The following ZNF655 variants were observed in gnomAD, a reference collection of about 807,000 sequenced individuals.
The protein encoded by ZNF655 is zinc finger protein 655, also known as Vav-interacting Kruppel-like protein 1.
ZNF655 carries 3 observed loss-of-function variants against 6.6 expected under a neutral mutation model. The observed-to-expected ratio is 0.46, with a 90% CI of 0.21 to 1.18. The LOEUF (loss-of-function observed/expected upper bound fraction) is 1.18. ZNF655 is among the 50% of genes most tolerant of loss of function. The probability of loss-of-function intolerance (pLI) is 0.24; values close to 1 mark genes in which losing one functional copy is unlikely to be tolerated. For synonymous variants in ZNF655, 178 were observed against 195.0 expected, an observed-to-expected ratio of 0.91 and a Z score of 0.73; for missense variants, 526 against 572.3, an observed-to-expected ratio of 0.92 and a Z score of 0.83.
rs1415252290 is a variant in ZNF655, at chr7:99,563,629, T to A, written c.136+2934T>A. Among the ~76,000 whole-genome samples the A allele has an allele frequency of 6.6e-5, 10 of 152,168 alleles. No homozygotes were observed. In the South Asian group the frequency reaches 1.2e-3, roughly 19 times the overall value. ...CACCGCACCCAGCCTCCTTTTTCTT[T>A]AGTTTCTTGCTTGCTTCTGCACTCT... On this transcript the variant is annotated intron_variant, in intron 2 of 2. Coordinates refer to ENST00000252713, the MANE Select transcript of ZNF655 (RefSeq NM_138494.3).
At chr7:99,561,474 C>A (rs1348625771) in intron 2 of ZNF655, among the ~76,000 whole-genome samples, 1 of 152,118 alleles carries the variant, frequency 6.6e-6, no homozygotes, top group Non-Finnish European at 1.5e-5. Flanking sequence ...GAGACAGCAC[C>A]CATTCACAAG....
At position 99,561,676 on chromosome 7, in the gene ZNF655, A is replaced by G. The variant is rs1008287926; in HGVS notation, c.136+981A>G. Among the ~76,000 whole-genome samples the G allele has an allele frequency of 1.3e-5, 2 of 152,246 alleles. 1 individual carries two copies. ...AAAGTGAAATACAAGCTTTCCTAAG[A>G]AAATCCTGTATCACAGGTCAAAACA... is the stretch of plus-strand genomic sequence containing the variant. On this transcript the variant is annotated intron_variant, in intron 2 of 2. Transcript: ENST00000252713.
chr7:99,570,472 T>C (rs1217420727), intron 2 of ZNF655: 2 of 152,214 alleles, frequency 1.3e-5, no homozygotes, highest in African/African-American at 4.8e-5. Flanking sequence ...CAGTTCTTCA[T>C]ATTTTCCAGC....
At chr7:99,559,377 C>G (rs114069195) in intron 1 of ZNF655, among the ~76,000 whole-genome samples, 1 of 151,544 alleles carries the variant, frequency 6.6e-6, no homozygotes, top group Admixed American at 6.6e-5. Context: ...AGGGGGCCTG[C>G]TGTTTTATTT....
At chr7:99,563,726 G>C in intron 2 of ZNF655, 1 of 858,490 alleles carries the variant, frequency 1.2e-6, no homozygotes, top group Non-Finnish European at 1.8e-6. Context: ...CTTTGTCTAT[G>C]CTGGTGGCAT....
intron 2 of ZNF655, chr7:99,571,071 G>C: frequency 2.9e-6 from 1 of 346,764 alleles, no homozygotes; most frequent in Non-Finnish European, 5.1e-6. Flanking sequence ...GACCTTCTTG[G>C]CCTCTTATCC....
intron 2 of ZNF655, 100 bp downstream of exon 2, chr7:99,560,795 A>C: frequency 6.8e-7 from 1 of 1,465,906 alleles, no homozygotes; most frequent in Non-Finnish European, 9.3e-7. Context: ...GAACTGGAAT[A>C]AGAACATGGT....
chr7:99,572,827 A>G lies in ZNF655; in HGVS notation c.719A>G (p.Tyr240Cys). Residue 240 changes from tyrosine to cysteine, a missense_variant, in exon 3 of 3, where the codon TAC (tyrosine) becomes TGC (cysteine). Coordinates refer to ENST00000252713, the MANE Select transcript of ZNF655 (RefSeq NM_138494.3). ...HQRIHTREKP[Y>C]KCKECEKSFS... ...AGAATCCATACTAGAGAGAAGCCCT[A>G]CAAATGTAAAGAATGTGAAAAGTCT... is the stretch of plus-strand genomic sequence containing the variant. The G allele has an allele frequency of 1.2e-6, 2 of 1,614,056 alleles. No individual in the cohort carries two copies. Among genetic ancestry groups the G allele is most frequent in the Non-Finnish European group, 1.7e-6 (2 of 1,179,984 alleles).
chr7:99,575,375 A>G lies in ZNF655; in HGVS notation c.*1791A>G, dbSNP rs1804337344. The G allele has an allele frequency of 6.6e-6, 1 of 152,186 alleles. No homozygotes were observed. Among genetic ancestry groups the G allele is most frequent in the African/African-American group, 2.4e-5 (1 of 41,436 alleles). The allele number at this position is 152,186 out of a possible 1,614,324, so 9.4% of individuals were successfully genotyped here. A position where few individuals can be genotyped will look rare whatever the true frequency, so the allele number is the denominator to read the frequency against. On this transcript the variant is annotated 3_prime_UTR_variant, in exon 3 of 3. Transcript: ENST00000252713. ...AACATGGTGAAACCCCGTCTCTACT[A>G]AAAATACAAAAGTTAGCCGGGTGTG...
At chr7:99,561,017 G>A (rs1207292346) in intron 2 of ZNF655, 1 of 188,732 alleles carries the variant, frequency 5.3e-6, no homozygotes, top group African/African-American at 2.3e-5. Context: ...ACATCTCACA[G>A]TCCTTTCCTG....
chr7:99,563,969 T>C, intron 2 of ZNF655: 3 of 1,614,042 alleles, frequency 1.9e-6, no homozygotes, highest in Non-Finnish European at 2.5e-6. Flanking sequence ...TTGCCGTCCT[T>C]ACAGCAGGAA....
At chr7:99,561,990 T>C (rs2151147555) in intron 2 of ZNF655, 2 of 1,559,540 alleles carry the variant, frequency 1.3e-6, no homozygotes, top group Non-Finnish European at 8.7e-7. Context: ...TGAGGAACCC[T>C]CTGCTTTTCC....
chr7:99,564,369 G>T (rs900609488), intron 2 of ZNF655: 5 of 1,089,230 alleles, frequency 4.6e-6, no homozygotes, highest in South Asian at 6.5e-5. Context: ...GCCCCGTATG[G>T]TGCCTAACTC....
At chr7:99,564,314 A>C in intron 2 of ZNF655, 1 of 1,220,152 alleles carries the variant, frequency 8.2e-7, no homozygotes, top group Non-Finnish European at 1.0e-6. Context: ...TTAGAATGTG[A>C]AACTTATGCT....
chr7:99,563,055 G>C, intron 2 of ZNF655: 2 of 301,014 alleles, frequency 6.6e-6, no homozygotes, highest in South Asian at 5.5e-5. Flanking sequence ...CTCACTGTGA[G>C]TACATTTCAG....
chr7:99,573,084 A>G lies in ZNF655; in HGVS notation c.976A>G (p.Lys326Glu), dbSNP rs779340994. The G allele has an allele frequency of 1.2e-6, 2 of 1,614,156 alleles. No homozygotes were observed. Among genetic ancestry groups the G allele is most frequent in the Non-Finnish European group, 1.7e-6 (2 of 1,179,988 alleles). ...CCTTACTCAACATCAGAAAATTCAC[A>G]AAGAGATGCCCTGTAAGTGTACTGT... is the stretch of plus-strand genomic sequence containing the variant. ...VHLTQHQKIH[K>E]EMPCKCTVCG... Residue 326 changes from lysine to glutamate, a missense_variant, in exon 3 of 3, where the codon AAA (lysine) becomes GAA (glutamate). By Grantham distance (56) the Lys-to-Glu change is moderately conservative. Coordinates refer to ENST00000252713, the MANE Select transcript of ZNF655 (RefSeq NM_138494.3).
At chr7:99,566,413 T>C (rs927438795) in intron 2 of ZNF655, among the ~76,000 whole-genome samples, 2 of 152,304 alleles carry the variant, frequency 1.3e-5, no homozygotes, top group Middle Eastern at 3.4e-3. Context: ...AGGGACACAT[T>C]CCAGTCCAAC....
rs547744796 is a variant in ZNF655 at position 99,566,446 on chromosome 7, T to C, written c.136+5751T>C. On this transcript the variant is annotated intron_variant, in intron 2 of 2. Transcript: ENST00000252713. Reference sequence around the variant, plus strand: ...AACAGGTATCTACAAAAGAATGATATTGCTAAGGAGAGATATTATTTGTGT... The same window carrying C: ...AACAGGTATCTACAAAAGAATGATACTGCTAAGGAGAGATATTATTTGTGT... Among the ~76,000 whole-genome samples, 4 of 152,306 alleles carry C rather than the reference T, an allele frequency of 2.6e-5. No homozygotes were observed. The East Asian group carries it at 5.8e-4, about 22-fold the overall frequency.
Position 99,572,786 on chromosome 7 carries a change from C to G in ZNF655, c.678C>G (p.Ala226=). 6.2e-7 allele frequency: 1 copy of G among 1,613,336 alleles called. No individual in the cohort carries two copies. The highest frequency in any genetic ancestry group is 8.5e-7 in the Non-Finnish European group (1 of 1,179,870). ...VCGKIFHQSS[A]LTRHQRIHTR... is the part of the protein sequence containing the mutation. ...GGAAAATTTTCCATCAGAGCTCAGC[C>G]CTTACTAGACATCAGAGAATCCATA... Residue 226 remains alanine, a synonymous_variant, in exon 3 of 3, where the codon GCC becomes GCG. Coordinates refer to ENST00000252713, the MANE Select transcript of ZNF655 (RefSeq NM_138494.3).
Sources: allele counts gnomAD v4.1 joint callset (sites outside exome capture counted in the v4.1 genomes callset), GRCh38; gene constraint gnomAD v4.1.1; transcripts MANE v1.5; gene names NCBI Gene and HGNC (gene_info 2026-07-23, HGNC 2026-07-21).